LRRC9: variants seen among roughly 807,000 people sequenced by gnomAD.
LRRC9 encodes leucine rich repeat containing 9.
Under a neutral mutation model 63.2 loss-of-function variants are expected in LRRC9, and 122 were observed. That is an observed-to-expected ratio of 1.93 (90% CI 1.67 to 2.24). The LOEUF (loss-of-function observed/expected upper bound fraction) is 2.24, where lower values mean the gene tolerates loss of function less well. Among genes scored for constraint, LRRC9 ranks in the 30% most tolerant of loss-of-function variants. LRRC9 has a pLI of 0.00. For missense variants in LRRC9, 1,071 were observed against 627.7 expected, an observed-to-expected ratio of 1.71 and a Z score of -7.55; for synonymous variants, 366 against 213.1, an observed-to-expected ratio of 1.72 and a Z score of -6.25.
chr14:59,987,123 A>C (rs532646425), intron 17 of LRRC9, among the ~76,000 whole-genome samples: 48 of 152,146 alleles, frequency 3.2e-4, no homozygotes, highest in African/African-American at 1.1e-3. Context: ...AAGAAAGAAA[A>C]TTTTGCCACC....
chr14:59,981,851 A>C, exon 16 of LRRC9: 1 of 691,020 alleles, frequency 1.4e-6, no homozygotes, highest in South Asian at 1.6e-5. Context: ...TTTTTAGGTC[A>C]AGGCACCCTC....
intron 23 of LRRC9, among the ~76,000 whole-genome samples, chr14:60,009,999 C>T (rs1595016329): frequency 6.6e-6 from 1 of 152,228 alleles, no homozygotes; most frequent in African/African-American, 2.4e-5. Context: ...TACAGCCTCC[C>T]TCCTGGCTGC....
chr14:59,938,707 C>T lies in LRRC9; in HGVS notation c.726+135C>T. 1 of 433,510 alleles carries T rather than the reference C, an allele frequency of 2.3e-6. No homozygotes were observed. The highest frequency in any genetic ancestry group is 4.0e-6 in the Non-Finnish European group (1 of 248,198). The allele number at this position is 433,510 out of a possible 1,614,324, so 26.9% of individuals were successfully genotyped here. On this transcript the variant is annotated intron_variant, in intron 7 of 31. Coordinates refer to ENST00000445360, the Ensembl canonical transcript of LRRC9. The surrounding 1 kb of genome is among the most constrained non-coding windows in gnomAD (Gnocchi z 4.2). ...CCAAGTCTGCTTTTGCCCTAGTGAACTGGATATTACACATAAAAGTATATA... is the reference window on the plus strand; with the variant it reads ...CCAAGTCTGCTTTTGCCCTAGTGAATTGGATATTACACATAAAAGTATATA...
At chr14:59,967,184 A>G in exon 12 of LRRC9, 1 of 626,514 alleles carries the variant, frequency 1.6e-6, no homozygotes, top group Non-Finnish European at 3.0e-6. Context: ...AATACTTGAA[A>G]AAGGATTCAA....
chr14:59,959,064 G>T (rs1884095880), intron 8 of LRRC9, among the ~76,000 whole-genome samples: 1 of 152,130 alleles, frequency 6.6e-6, no homozygotes, highest in South Asian at 2.1e-4. Context: ...AGCCATCTTG[G>T]CCCCTCCTCA....
rs187265732 is a variant in LRRC9 at position 60,058,037 on chromosome 14, T to G, written c.4276+15T>G. On this transcript the variant is annotated intron_variant, in intron 31 of 31. Transcript: ENST00000445360. This position sits in a 1 kb window ranked among gnomAD's most constrained non-coding sequence, Gnocchi z 4.4. ...TGAAGTTGAAGGTATTTTGACAATT[T>G]CAGATAGAATGTAAAAGAATCACTT... The G allele has an allele frequency of 7.6e-3, 4,466 of 584,822 alleles. 214 individuals carry two copies. The East Asian group carries it at 0.091, about 12-fold the overall frequency. The allele number at this position is 584,822 out of a possible 1,614,324, so 36.2% of individuals were successfully genotyped here. A position where few individuals can be genotyped will look rare whatever the true frequency, so the allele number is the denominator to read the frequency against.
chr14:60,054,925 C>T (rs1410443635), intron 30 of LRRC9, among the ~76,000 whole-genome samples: 1 of 152,104 alleles, frequency 6.6e-6, no homozygotes, highest in African/African-American at 2.4e-5. Flanking sequence ...TCATACCAGG[C>T]TAATTTTTGT....
rs1566888923 is a variant in LRRC9, at chr14:60,027,800, T to C, written c.3704-84T>C. The C allele has an allele frequency of 6.0e-6, 3 of 495,922 alleles. No individual in the cohort carries two copies. The highest frequency in any genetic ancestry group is 2.0e-5 in the African/African-American group (1 of 51,216). 30.7% of individuals were successfully genotyped at this position (495,922 alleles called of 1,614,324 possible). A position where few individuals can be genotyped will look rare whatever the true frequency, so the allele number is the denominator to read the frequency against. On this transcript the variant is annotated intron_variant, in intron 27 of 31. Transcript: ENST00000445360. The surrounding 1 kb of genome is among the most constrained non-coding windows in gnomAD (Gnocchi z 4.0). Reference sequence around the variant, plus strand: ...TACTTCTTTTGACAAATCATCTGATTAAAAAATATTTAAATGTAAGTAGAT... The same window carrying C: ...TACTTCTTTTGACAAATCATCTGATCAAAAAATATTTAAATGTAAGTAGAT...
At chr14:60,048,327 T>G (rs1595108530) in intron 29 of LRRC9, among the ~76,000 whole-genome samples, 1 of 152,208 alleles carries the variant, frequency 6.6e-6, no homozygotes, top group Admixed American at 6.5e-5. Flanking sequence ...TGAAAATCCC[T>G]TCAAAAAATC....
chr14:59,974,053 G>T (rs1421952262), intron 12 of LRRC9, among the ~76,000 whole-genome samples: 2 of 152,008 alleles, frequency 1.3e-5, no homozygotes, highest in Non-Finnish European at 2.9e-5. Flanking sequence ...TTCACGGCAA[G>T]CAAGTAATGT....
rs2140441133 is a variant in LRRC9 at position 60,053,883 on chromosome 14, C to T, written c.4131+678C>T. ...CTATGGTTTTTGAACAGAGAAGTAA[C>T]ATTATTAGAATGCTGTGGTTTGAGA... On this transcript the variant is annotated intron_variant, in intron 30 of 31. Transcript: ENST00000445360. The surrounding 1 kb of genome is among the most constrained non-coding windows in gnomAD (Gnocchi z 4.8). The T allele has an allele frequency of 2.2e-6, 1 of 453,870 alleles. No homozygotes were observed. Among genetic ancestry groups the T allele is most frequent in the African/African-American group, 2.0e-5 (1 of 49,896 alleles). The allele number at this position is 453,870 out of a possible 1,614,324, so 28.1% of individuals were successfully genotyped here.
At chr14:59,955,546 G>A (rs745408116) in intron 8 of LRRC9, among the ~76,000 whole-genome samples, 1 of 151,662 alleles carries the variant, frequency 6.6e-6, no homozygotes, top group African/African-American at 2.4e-5. Context: ...TTCTTTATTA[G>A]TCTAGCTAGT....
chr14:60,027,043 TAATC>T lies in LRRC9; in HGVS notation c.3704-838_3704-835del, dbSNP rs1232668678. Among the ~76,000 whole-genome samples the T allele has an allele frequency of 1.3e-5, 2 of 151,986 alleles. No homozygotes were observed. The highest frequency in any genetic ancestry group is 2.9e-5 in the Non-Finnish European group (2 of 67,964). On this transcript the variant is annotated intron_variant, in intron 27 of 31. Coordinates refer to ENST00000445360, the Ensembl canonical transcript of LRRC9. The surrounding 1 kb of genome is among the most constrained non-coding windows in gnomAD (Gnocchi z 4.0). The stretch of plus-strand genomic sequence containing the variant: ...GAGGGGGACACAATTCAGCACATAA[TAATC>T]AAGGAGAATGAATATTGACTGAAAT...
chr14:59,957,098 T>C (rs1432478114), intron 8 of LRRC9, among the ~76,000 whole-genome samples: 1 of 152,158 alleles, frequency 6.6e-6, no homozygotes, highest in Admixed American at 6.5e-5. Flanking sequence ...AATCTCACGA[T>C]GTGTCTTGGG....
exon 23 of LRRC9, chr14:60,008,175 T>G (rs1889971374): frequency 1.4e-6 from 1 of 701,686 alleles, no homozygotes; most frequent in Admixed American, 2.0e-5. Context: ...TTGTAATATT[T>G]CATCTTCCAG....
chr14:60,016,943 G>A (rs1595034975), intron 24 of LRRC9, among the ~76,000 whole-genome samples, 153 bp downstream of exon 24: 1 of 151,796 alleles, frequency 6.6e-6, no homozygotes. Flanking sequence ...GCTAAGTAAT[G>A]AGCATTTTTT....
At chr14:59,989,037 T>C (rs1887782366) in intron 17 of LRRC9, among the ~76,000 whole-genome samples, 1 of 152,168 alleles carries the variant, frequency 6.6e-6, no homozygotes, top group African/African-American at 2.4e-5. Context: ...TTACCCTTTA[T>C]AAGTCACAAG....
chr14:60,012,804 T>G (rs1323113357), intron 23 of LRRC9, among the ~76,000 whole-genome samples: 1 of 152,208 alleles, frequency 6.6e-6, no homozygotes, highest in Non-Finnish European at 1.5e-5. Flanking sequence ...AGGAAAACTG[T>G]AGAAAACATT....
chr14:59,970,154 T>C (rs1199333158), intron 12 of LRRC9, among the ~76,000 whole-genome samples: 1 of 144,348 alleles, frequency 6.9e-6, no homozygotes, highest in Admixed American at 7.1e-5. Context: ...CTGTTGTTCC[T>C]CTTTATGTGT....
Sources: gnomAD v4.1 joint callset for allele counts (sites outside exome capture counted in the v4.1 genomes callset) on GRCh38, gnomAD v4.1.1 for gene constraint, Gnocchi (gnomAD v3.1) non-coding constraint, MANE v1.5 for transcripts, NCBI Gene and HGNC (gene_info 2026-07-23, HGNC 2026-07-21) for gene names.